The following NAV3 variants were observed in gnomAD, a reference collection of about 807,000 sequenced individuals.
NAV3 encodes the protein pore membrane and/or filament interacting like protein 1.
NAV3 carries 87 observed loss-of-function variants against 244.7 expected under a neutral mutation model. That is an observed-to-expected ratio of 0.36 (90% confidence interval 0.30 to 0.42). The LOEUF is 0.42. NAV3 is among the 20% of genes least tolerant of loss of function. The probability of loss-of-function intolerance (pLI) is 1.00; values close to 1 mark genes in which losing one functional copy is unlikely to be tolerated. For synonymous variants in NAV3, 1,126 were observed against 1,042.2 expected, an observed-to-expected ratio of 1.08 and a Z score of -1.55; for missense variants, 2,663 against 2,893.3, an observed-to-expected ratio of 0.92 and a Z score of 1.83.
intron 1 of NAV3, among the ~76,000 whole-genome samples, chr12:77,933,969 T>C (rs1341930127): frequency 6.6e-6 from 1 of 152,206 alleles, no homozygotes; most frequent in Non-Finnish European, 1.5e-5. Context: ...TTTGAAAAAA[T>C]ATATAACTTC....
chr12:78,194,796 T>C (rs1486533904), intron 34 of NAV3, among the ~76,000 whole-genome samples: 1 of 152,128 alleles, frequency 6.6e-6, no homozygotes, highest in African/African-American at 2.4e-5. Context: ...TGTTTCTGAC[T>C]GGTTATTCTT....
chr12:77,954,117 G>A (rs1891147053), intron 3 of NAV3, among the ~76,000 whole-genome samples: 1 of 152,112 alleles, frequency 6.6e-6, no homozygotes. Context: ...CTACCACCAT[G>A]TAAAATGCAT....
intron 1 of NAV3, among the ~76,000 whole-genome samples, chr12:77,916,029 A>C (rs1887108197): frequency 1.3e-5 from 2 of 152,030 alleles, no homozygotes; most frequent in African/African-American, 2.4e-5. Flanking sequence ...ATGGAATTGC[A>C]ATGGGAAGAG....
At position 78,119,342 on chromosome 12, in the gene NAV3, G is replaced by A. The variant is rs1201308228; in HGVS notation, c.3146G>A (p.Gly1049Glu). 1 of 1,614,110 alleles carries A rather than the reference G, an allele frequency of 6.2e-7. No homozygotes were observed. The highest frequency in any genetic ancestry group is 2.2e-5 in the East Asian group (1 of 44,870). Residue 1049 changes from glycine to glutamate, a missense_variant, in exon 15 of 40, where the codon GGG (glycine) becomes GAG (glutamate). Coordinates refer to ENST00000397909, the MANE Select transcript of NAV3 (RefSeq NM_001024383.2). ...SDAGKSSGDEGKKPPSGIGRS... is the reference protein window; with the variant it reads ...SDAGKSSGDEEKKPPSGIGRS... ...GCAGGAAAAAGCAGTGGAGATGAAG[G>A]GAAAAAGCCCCCCTCAGGCATTGGA...
At chr12:77,632,738 A>AGACTTT (rs1293857120) in intron 2 of NAV3, among the ~76,000 whole-genome samples, 6 of 152,182 alleles carry the variant, frequency 3.9e-5, no homozygotes, top group Admixed American at 3.9e-4. Context: ...AATAGTAATG[A>AGACTTT]GACTTTTAAA....
intron 9 of NAV3, among the ~76,000 whole-genome samples, chr12:78,045,700 G>A (rs554177348): frequency 6.6e-6 from 1 of 152,250 alleles, no homozygotes; most frequent in South Asian, 2.1e-4. Context: ...TTCTTTTTCT[G>A]TTGTGTCTTT....
intron 5 of NAV3, among the ~76,000 whole-genome samples, chr12:77,984,720 A>T (rs1033064272): frequency 6.6e-6 from 1 of 152,220 alleles, no homozygotes; most frequent in Non-Finnish European, 1.5e-5. Flanking sequence ...TTCACAGAAG[A>T]TAAATAATGT....
intron 12 of NAV3, among the ~76,000 whole-genome samples, chr12:78,085,176 A>G: frequency 6.6e-6 from 1 of 152,144 alleles, no homozygotes; most frequent in East Asian, 1.9e-4. Flanking sequence ...ATAACAAGTA[A>G]CCCTCTAATG....
intron 9 of NAV3, among the ~76,000 whole-genome samples, chr12:78,031,906 A>G (rs891750606): frequency 6.6e-6 from 1 of 151,586 alleles, no homozygotes; most frequent in Non-Finnish European, 1.5e-5. Flanking sequence ...TAATAATAAA[A>G]AAAAAGAGAA....
At chr12:77,790,792 T>C (rs1871144122) in intron 2 of NAV3, among the ~76,000 whole-genome samples, 1 of 152,168 alleles carries the variant, frequency 6.6e-6, no homozygotes, top group African/African-American at 2.4e-5. Flanking sequence ...CTAGGTAATA[T>C]AAGAACATTC....
chr12:78,118,564 G>A (rs1201252580), intron 14 of NAV3, among the ~76,000 whole-genome samples: 2 of 152,154 alleles, frequency 1.3e-5, no homozygotes, highest in Non-Finnish European at 2.9e-5. Context: ...GTTATTTCAG[G>A]TAATGGGGAA....
chr12:77,688,607 TC>T (rs774122051), intron 2 of NAV3, among the ~76,000 whole-genome samples: 1 of 152,018 alleles, frequency 6.6e-6, no homozygotes, highest in Non-Finnish European at 1.5e-5. Context: ...GTGGAATAGT[TC>T]AAATACCAGT....
intron 12 of NAV3, among the ~76,000 whole-genome samples, chr12:78,059,915 A>C (rs1049699173): frequency 2.0e-5 from 3 of 151,650 alleles, no homozygotes; most frequent in African/African-American, 7.3e-5. Context: ...AAAAACTCTT[A>C]CTTTAGGCTT....
chr12:78,133,944 G>A (rs991350941), intron 18 of NAV3, among the ~76,000 whole-genome samples: 18 of 152,166 alleles, frequency 1.2e-4, no homozygotes, highest in African/African-American at 4.3e-4. Flanking sequence ...CATAGTTCTT[G>A]TGAGCCATCT....
chr12:77,691,512 A>G (rs1018134504), intron 2 of NAV3, among the ~76,000 whole-genome samples: 2 of 150,914 alleles, frequency 1.3e-5, no homozygotes, highest in African/African-American at 4.8e-5. Context: ...AATCCTTATT[A>G]TAGTTATTCA....
intron 2 of NAV3, among the ~76,000 whole-genome samples, chr12:77,590,382 A>G (rs1869851575): frequency 6.6e-6 from 1 of 152,226 alleles, no homozygotes; most frequent in Non-Finnish European, 1.5e-5. Context: ...CCAAAGTTGG[A>G]GGCCATTACC....
chr12:78,129,887 AAAGT>A (rs1444291508), intron 18 of NAV3, among the ~76,000 whole-genome samples: 9 of 152,184 alleles, frequency 5.9e-5, no homozygotes, highest in African/African-American at 2.2e-4. Flanking sequence ...TTCCATCATG[AAAGT>A]ACTCCTTTGA....
chr12:78,144,843 C>A (rs1956785454), intron 20 of NAV3, among the ~76,000 whole-genome samples: 1 of 135,114 alleles, frequency 7.4e-6, no homozygotes, highest in African/African-American at 2.8e-5. Flanking sequence ...AAAAAGTAGG[C>A]CGGGCACGGT....
intron 30 of NAV3, 79 bp downstream of exon 30, chr12:78,181,124 T>G: frequency 7.8e-7 from 1 of 1,286,706 alleles, no homozygotes; most frequent in African/African-American, 1.5e-5. Context: ...TTGGAGAACT[T>G]TACGTACTCT....
Sources: gnomAD v4.1 joint callset for allele counts (sites outside exome capture counted in the v4.1 genomes callset) on GRCh38, gnomAD v4.1.1 for gene constraint, MANE v1.5 for transcripts, NCBI Gene and HGNC (gene_info 2026-07-23, HGNC 2026-07-21) for gene names.